ZXDA: variants seen among roughly 807,000 people sequenced by gnomAD.
The protein encoded by ZXDA is zinc finger X-linked duplicated A.
Under a neutral mutation model 10.1 loss-of-function variants are expected in ZXDA, and 5 were observed. The observed-to-expected ratio is 0.50, with a 90% CI of 0.26 to 1.04. The LOEUF (loss-of-function observed/expected upper bound fraction) is 1.04, where lower values mean the gene tolerates loss of function less well. Among genes scored for constraint, ZXDA ranks in the 50% least tolerant of loss-of-function variants. The probability of loss-of-function intolerance (pLI) is 0.14; values close to 1 mark genes in which losing one functional copy is unlikely to be tolerated. For synonymous variants in ZXDA, 266 were observed against 313.1 expected, an observed-to-expected ratio of 0.85 and a Z score of 1.59; for missense variants, 501 against 672.4, an observed-to-expected ratio of 0.75 and a Z score of 2.82.
At position 57,907,119 on chromosome X, in the gene ZXDA, T is replaced by G. The variant is rs2014369780; in HGVS notation, c.*902A>C. The G allele has an allele frequency of 8.8e-6, 1 of 113,131 alleles. No homozygotes were observed. The highest frequency in any genetic ancestry group is 2.8e-4 in the East Asian group (1 of 3,599). The allele number at this position is 113,131 out of a possible 1,213,427, so 9.3% of individuals were successfully genotyped here. ...TGTTGAAGAAATAACTTCCTTTTCC[T>G]CTTTCTTAACCTTCACAAATGTTTA... On this transcript the variant is annotated 3_prime_UTR_variant, in exon 1 of 1. Transcript: ENST00000358697.
rs768828812 is a variant in ZXDA, at chrX:57,909,772, G to C, written c.649C>G (p.Pro217Ala). 1 of 1,198,379 alleles carries C rather than the reference G, an allele frequency of 8.3e-7. No homozygotes were observed. The highest frequency in any genetic ancestry group is 1.1e-6 in the Non-Finnish European group (1 of 889,901). ...PQAGFPQAAH[P>A]GDCPELRSDL... is the part of the protein sequence containing the mutation. The stretch of plus-strand genomic sequence containing the variant: ...GACCGCAGCTCTGGGCAGTCACCCG[G>C]GTGCGCGGCTTGCGGGAACCCAGCT... Residue 217 changes from proline (P) to alanine (A), a missense_variant, in exon 1 of 1, where the codon CCG becomes GCG. By Grantham distance (27) the Pro-to-Ala change is conservative. Transcript: ENST00000358697.
At position 57,910,273 on chromosome X, in the gene ZXDA, G is replaced by A. The variant is rs770409931; in HGVS notation, c.148C>T (p.Pro50Ser). The A allele has an allele frequency of 9.2e-7, 1 of 1,087,167 alleles. No homozygotes were observed. Among genetic ancestry groups the A allele is most frequent in the South Asian group, 2.4e-5 (1 of 41,784 alleles). The allele number at this position is 1,087,167 out of a possible 1,213,427, so 89.6% of individuals were successfully genotyped here. A position where few individuals can be genotyped will look rare whatever the true frequency, so the allele number is the denominator to read the frequency against. ...PTRRLLLPRGPQDGGPGRRRE... is the reference protein window; with the variant it reads ...PTRRLLLPRGSQDGGPGRRRE... ...CGCCGCCCGGGCCCGCCATCTTGGGGGCCCCGGGGCAGCAGGAGGCGGCGC... is the reference window on the plus strand; with the variant it reads ...CGCCGCCCGGGCCCGCCATCTTGGGAGCCCCGGGGCAGCAGGAGGCGGCGC... The change falls in exon 1 of 1, where the codon CCC (proline) becomes TCC (serine). Residue 50 changes from proline (P) to serine (S), a missense_variant. By Grantham distance (74) the Pro-to-Ser change is moderately conservative. Around this residue, in one of 5 missense-constraint regions of ZXDA, gnomAD observed 251 missense variants for 221.6 expected, o/e 1.13. Coordinates refer to ENST00000358697, the MANE Select transcript of ZXDA (RefSeq NM_007156.5).
At position 57,908,182 on chromosome X, in the gene ZXDA, G is replaced by C. The variant is rs1456487743; in HGVS notation, c.2239C>G (p.Leu747Val). ...STLCENSVSELLTPAKAEWSV... is the reference protein window; with the variant it reads ...STLCENSVSEVLTPAKAEWSV... ...CACTCCGCTTTGGCTGGTGTCAGTAGTTCTGAGACACTGTTTTCACAAAGG... is the reference window on the plus strand; with the variant it reads ...CACTCCGCTTTGGCTGGTGTCAGTACTTCTGAGACACTGTTTTCACAAAGG... Residue 747 changes from leucine to valine, a missense_variant, in exon 1 of 1, where the codon CTA becomes GTA. Around this residue, in one of 5 missense-constraint regions of ZXDA, gnomAD observed 46 missense variants for 54.1 expected, o/e 0.85. Coordinates refer to ENST00000358697, the MANE Select transcript of ZXDA (RefSeq NM_007156.5). 1 of 1,212,034 alleles carries C rather than the reference G, an allele frequency of 8.3e-7. No individual in the cohort carries two copies. The highest frequency in any genetic ancestry group is 2.2e-5 in the Admixed American group (1 of 46,095).
Position 57,910,037 on chromosome X carries a change from G to A in ZXDA, c.384C>T (p.Ser128=), listed in dbSNP as rs1302706632. 4.4e-5 allele frequency: 50 copies of A among 1,144,839 alleles called. 1 individual carries two copies. Among genetic ancestry groups the A allele is most frequent in the Non-Finnish European group, 5.4e-5 (47 of 870,442 alleles). The allele number at this position is 1,144,839 out of a possible 1,213,427, so 94.3% of individuals were successfully genotyped here. ...KAGPGLQGDE[S]GANPAGCSAQ... ...CAGAGCAGCCCGCGGGGTTCGCGCC[G>A]CTCTCGTCCCCCTGGAGCCCCGGGC... The change falls in exon 1 of 1, where the codon AGC becomes AGT. Residue 128 remains serine, a synonymous_variant. Transcript: ENST00000358697.
In ZXDA at chrX:57,908,175, G is replaced by A; in HGVS notation, c.2246C>T (p.Thr749Ile). 1.7e-6 allele frequency: 2 copies of A among 1,212,090 alleles called. No individual in the cohort carries two copies. Among genetic ancestry groups the A allele is most frequent in the Non-Finnish European group, 2.2e-6 (2 of 895,646 alleles). ...LCENSVSELL[T>I]PAKAEWSVHP... ...TACGCTCCACTCCGCTTTGGCTGGT[G>A]TCAGTAGTTCTGAGACACTGTTTTC... The change falls in exon 1 of 1, where the codon ACA (threonine) becomes ATA (isoleucine). Residue 749 changes from threonine (T) to isoleucine (I), a missense_variant. Thr to Ile is a moderately conservative substitution (Grantham distance 89, BLOSUM62 -1). Coordinates refer to ENST00000358697, the MANE Select transcript of ZXDA (RefSeq NM_007156.5).
At position 57,909,770 on chromosome X, in the gene ZXDA, C is replaced by T. The variant is rs749343912; in HGVS notation, c.651G>A (p.Pro217=). ...PQAGFPQAAH[P]GDCPELRSDL... The stretch of plus-strand genomic sequence containing the variant: ...CGGACCGCAGCTCTGGGCAGTCACC[C>T]GGGTGCGCGGCTTGCGGGAACCCAG... The change falls in exon 1 of 1, where the codon CCG becomes CCA. Residue 217 remains proline, a synonymous_variant. Transcript: ENST00000358697. 16 of 1,195,693 alleles carry T rather than the reference C, an allele frequency of 1.3e-5. No homozygotes were observed. In the East Asian group the frequency reaches 4.8e-4, roughly 36 times the overall value.
In ZXDA at chrX:57,907,959, A is replaced by C. The variant is rs2014377259; in HGVS notation, c.*62T>G. 1 of 1,149,082 alleles carries C rather than the reference A, an allele frequency of 8.7e-7. No homozygotes were observed. The highest frequency in any genetic ancestry group is 1.2e-6 in the Non-Finnish European group (1 of 861,905). 94.7% of individuals were successfully genotyped at this position (1,149,082 alleles called of 1,213,427 possible). A position where few individuals can be genotyped will look rare whatever the true frequency, so the allele number is the denominator to read the frequency against. On this transcript the variant is annotated 3_prime_UTR_variant, in exon 1 of 1. Transcript: ENST00000358697. ...GACTGCACTTAAATATTTAGTCCAG[A>C]ATATCCTCAAAATTGACTGTAATAA...
In ZXDA at chrX:57,910,033, C is replaced by T. The variant is rs752599895; in HGVS notation, c.388G>A (p.Ala130Thr). The T allele has an allele frequency of 2.4e-4, 276 of 1,138,934 alleles. 17 individuals carry two copies. Among genetic ancestry groups the T allele is most frequent in the Admixed American group, 3.1e-4 (11 of 35,762 alleles). 93.9% of individuals were successfully genotyped at this position (1,138,934 alleles called of 1,213,427 possible). A position where few individuals can be genotyped will look rare whatever the true frequency, so the allele number is the denominator to read the frequency against. The change falls in exon 1 of 1, where the codon GCG (alanine) becomes ACG (threonine). Residue 130 changes from alanine to threonine, a missense_variant. This residue lies in a region of ZXDA where 251 missense variants were observed against 221.6 expected (regional missense o/e 1.13). Transcript: ENST00000358697. Reference sequence around the variant, plus strand: ...TGCGCAGAGCAGCCCGCGGGGTTCGCGCCGCTCTCGTCCCCCTGGAGCCCC... The same window carrying T: ...TGCGCAGAGCAGCCCGCGGGGTTCGTGCCGCTCTCGTCCCCCTGGAGCCCC... Reference protein sequence around the residue: ...GPGLQGDESGANPAGCSAQGP... With the variant: ...GPGLQGDESGTNPAGCSAQGP...
rs1210964733 is a variant in ZXDA at position 57,910,004 on chromosome X, G to T, written c.417C>A (p.Gly139=). Residue 139 remains glycine (G), a synonymous_variant, in exon 1 of 1, where the codon GGC becomes GGA. Transcript: ENST00000358697. ...GANPAGCSAQ[G]PHCLSAVPTP... Reference sequence around the variant, plus strand: ...TGGGAACCGCGGACAGGCAGTGGGGGCCCTGCGCAGAGCAGCCCGCGGGGT... The same window carrying T: ...TGGGAACCGCGGACAGGCAGTGGGGTCCCTGCGCAGAGCAGCCCGCGGGGT... The T allele has an allele frequency of 1.1e-5, 11 of 1,033,605 alleles. No homozygotes were observed. The African/African-American group carries it at 1.5e-4, about 14-fold the overall frequency. 85.2% of individuals were successfully genotyped at this position (1,033,605 alleles called of 1,213,427 possible). A position where few individuals can be genotyped will look rare whatever the true frequency, so the allele number is the denominator to read the frequency against.
chrX:57,905,666 T>C lies in ZXDA; in HGVS notation c.*2355A>G, dbSNP rs1005526373. Among the ~76,000 whole-genome samples the C allele has an allele frequency of 3.6e-5, 4 of 111,510 alleles. No individual in the cohort carries two copies. The highest frequency in any genetic ancestry group is 5.7e-5 in the Non-Finnish European group (3 of 53,049). On this transcript the variant is annotated 3_prime_UTR_variant, in exon 1 of 1. Coordinates refer to ENST00000358697, the MANE Select transcript of ZXDA (RefSeq NM_007156.5). ...GACAACAGTATTGAAAAAGAAATCTTTTGAAAAAATTGAACAAAAGAAACC... is the reference window on the plus strand; with the variant it reads ...GACAACAGTATTGAAAAAGAAATCTCTTGAAAAAATTGAACAAAAGAAACC...
At position 57,909,446 on chromosome X, in the gene ZXDA, A is replaced by G. The variant is rs375699870; in HGVS notation, c.975T>C (p.Asp325=). 145 of 1,210,469 alleles carry G rather than the reference A, an allele frequency of 1.2e-4. No homozygotes were observed. Among genetic ancestry groups the G allele is most frequent in the Admixed American group, 3.0e-4 (14 of 45,957 alleles). ...YKLKRHLQSH[D]KLRPFGCPAE... is the part of the protein sequence containing the mutation. ...CAGGGCAGCCGAAGGGCCGCAGTTTATCGTGCGACTGCAGGTGCCTCTTGA... is the reference window on the plus strand; with the variant it reads ...CAGGGCAGCCGAAGGGCCGCAGTTTGTCGTGCGACTGCAGGTGCCTCTTGA... Residue 325 remains aspartate (D), a synonymous_variant, in exon 1 of 1, where the codon GAT becomes GAC. Transcript: ENST00000358697.
At position 57,909,737 on chromosome X, in the gene ZXDA, C is replaced by T. The variant is rs1266445688; in HGVS notation, c.684G>A (p.Leu228=). Residue 228 remains leucine, a synonymous_variant, in exon 1 of 1, where the codon CTG becomes CTA. Transcript: ENST00000358697. The stretch of plus-strand genomic sequence containing the variant: ...GCGCGGGTTCTGCGGGCTCGGCTAG[C>T]AGGAGGTCGGACCGCAGCTCTGGGC... ...GDCPELRSDL[L]LAEPAEPAPA... The T allele has an allele frequency of 8.4e-6, 10 of 1,188,421 alleles. No individual in the cohort carries two copies. Among genetic ancestry groups the T allele is most frequent in the Non-Finnish European group, 1.1e-5 (10 of 885,290 alleles).
rs1351861863 is a variant in ZXDA, at chrX:57,906,631, G to A, written c.*1390C>T. On this transcript the variant is annotated 3_prime_UTR_variant, in exon 1 of 1. Transcript: ENST00000358697. Reference sequence around the variant, plus strand: ...AACTCAAGAGTCGAATGGGAGAGTGGGAAATATTTCCTCTTTGTTTTGAGC... The same window carrying A: ...AACTCAAGAGTCGAATGGGAGAGTGAGAAATATTTCCTCTTTGTTTTGAGC... 2 of 102,077 alleles carry A rather than the reference G, an allele frequency of 2.0e-5. No individual in the cohort carries two copies. The highest frequency in any genetic ancestry group is 7.3e-5 in the African/African-American group (2 of 27,286). The allele number at this position is 102,077 out of a possible 1,213,427, so 8.4% of individuals were successfully genotyped here.
chrX:57,907,526 C>T lies in ZXDA; in HGVS notation c.*495G>A, dbSNP rs2014372844. On this transcript the variant is annotated 3_prime_UTR_variant, in exon 1 of 1. Coordinates refer to ENST00000358697, the MANE Select transcript of ZXDA (RefSeq NM_007156.5). ...AGGATAAACAGCTAAGAAGAACCAA[C>T]TCCTATTTTTAGCTCTTTTTTTTTG... The T allele has an allele frequency of 8.9e-6, 1 of 112,080 alleles. No individual in the cohort carries two copies. Among genetic ancestry groups the T allele is most frequent in the Non-Finnish European group, 1.9e-5 (1 of 53,613 alleles). The allele number at this position is 112,080 out of a possible 1,213,427, so 9.2% of individuals were successfully genotyped here.
rs940878349 is a variant in ZXDA at position 57,905,948 on chromosome X, A to T, written c.*2073T>A. Among the ~76,000 whole-genome samples the T allele has an allele frequency of 8.9e-6, 1 of 112,190 alleles. No homozygotes were observed. Among genetic ancestry groups the T allele is most frequent in the African/African-American group, 3.2e-5 (1 of 30,900 alleles). ...GGAAAATAATAATAATCTATTTAAG[A>T]GGACTTAACTAATGACAACACATTT... is the stretch of plus-strand genomic sequence containing the variant. On this transcript the variant is annotated 3_prime_UTR_variant, in exon 1 of 1. Transcript: ENST00000358697.
rs747357043 is a variant in ZXDA at position 57,907,105 on chromosome X, T to A, written c.*916A>T. The A allele has an allele frequency of 8.8e-6, 1 of 113,094 alleles. No homozygotes were observed. Among genetic ancestry groups the A allele is most frequent in the South Asian group, 3.6e-4 (1 of 2,774 alleles). The allele number at this position is 113,094 out of a possible 1,213,427, so 9.3% of individuals were successfully genotyped here. ...AAAAATCCTTAATCTGTTGAAGAAA[T>A]AACTTCCTTTTCCTCTTTCTTAACC... is the stretch of plus-strand genomic sequence containing the variant. On this transcript the variant is annotated 3_prime_UTR_variant, in exon 1 of 1. Coordinates refer to ENST00000358697, the MANE Select transcript of ZXDA (RefSeq NM_007156.5).
In ZXDA at chrX:57,909,363, C is replaced by T. The variant is rs188306475; in HGVS notation, c.1058G>A (p.Gly353Asp). The change falls in exon 1 of 1, where the codon GGC (glycine) becomes GAC (aspartate). Residue 353 changes from glycine (G) to aspartate (D), a missense_variant. Physicochemically the swap from Gly to Asp is moderately conservative, Grantham distance 94. This residue lies in a region of ZXDA where 171 missense variants were observed against 262.7 expected (regional missense o/e 0.65). Transcript: ENST00000358697. ...TVYNLKAHMKGHEQENSFKCE... is the reference protein window; with the variant it reads ...TVYNLKAHMKDHEQENSFKCE... Reference sequence around the variant, plus strand: ...TTTGAACGAGTTCTCCTGCTCATGGCCCTTCATGTGCGCCTTGAGGTTGTA... The same window carrying T: ...TTTGAACGAGTTCTCCTGCTCATGGTCCTTCATGTGCGCCTTGAGGTTGTA... The T allele has an allele frequency of 1.7e-6, 2 of 1,210,390 alleles. No individual in the cohort carries two copies. Among genetic ancestry groups the T allele is most frequent in the Admixed American group, 4.4e-5 (2 of 45,909 alleles).
rs762506839 is a variant in ZXDA, at chrX:57,909,683, C to T, written c.738G>A (p.Glu246=). The T allele has an allele frequency of 7.7e-6, 9 of 1,176,264 alleles. No homozygotes were observed. The East Asian group carries it at 2.8e-4, about 37-fold the overall frequency. Reference sequence around the variant, plus strand: ...GGGGGCCCAGGGCGGCGGCCAGGCCCTCCGCCTCCTCCTGGGGCGCCGGAG... The same window carrying T: ...GGGGGCCCAGGGCGGCGGCCAGGCCTTCCGCCTCCTCCTGGGGCGCCGGAG... ...APAPAPQEEA[E]GLAAALGPRG... The change falls in exon 1 of 1, where the codon GAG becomes GAA. Residue 246 remains glutamate, a synonymous_variant. Coordinates refer to ENST00000358697, the MANE Select transcript of ZXDA (RefSeq NM_007156.5).
chrX:57,909,847 C>G lies in ZXDA; in HGVS notation c.574G>C (p.Glu192Gln), dbSNP rs777084591. 9 of 1,200,608 alleles carry G rather than the reference C, an allele frequency of 7.5e-6. No individual in the cohort carries two copies. Among genetic ancestry groups the G allele is most frequent in the Non-Finnish European group, 9.0e-6 (8 of 891,863 alleles). Residue 192 changes from glutamate to glutamine, a missense_variant, in exon 1 of 1, where the codon GAG (glutamate) becomes CAG (glutamine). Physicochemically the swap from Glu to Gln is conservative, Grantham distance 29. This residue lies in a region of ZXDA where 251 missense variants were observed against 221.6 expected (regional missense o/e 1.13). Transcript: ENST00000358697. ...TGCTGGGCAGGAGCGGCCCCTGGCT[C>G]CCAGGCGTGTGGTGGGGGCGTGGCC... ...TLATPPPHAW[E>Q]PGAAPAQQPR... is the part of the protein sequence containing the mutation.
Sources: gnomAD v4.1 joint callset for allele counts (sites outside exome capture counted in the v4.1 genomes callset) on GRCh38, gnomAD v4.1.1 for gene constraint, gnomAD v4.1.1 regional missense constraint, MANE v1.5 for transcripts, NCBI Gene and HGNC (gene_info 2026-07-23, HGNC 2026-07-21) for gene names.